Variants in TPRG1 observed in about 807,000 individuals in gnomAD.
TPRG1 encodes tumor protein p63-regulated gene 1 protein.
TPRG1 carries 29 observed loss-of-function variants against 29.3 expected under a neutral mutation model. The ratio of observed to expected loss-of-function variants is 0.99; its 90% CI spans 0.74 to 1.35. TPRG1 has a LOEUF of 1.35. Ranked by LOEUF, TPRG1 falls within the 40% of genes most tolerant of loss-of-function variation. The probability of loss-of-function intolerance (pLI) is 0.00; values close to 1 mark genes in which losing one functional copy is unlikely to be tolerated. For missense variants in TPRG1, 327 were observed against 335.0 expected (o/e 0.98, Z 0.19); for synonymous variants, 130 against 116.8 (o/e 1.11, Z -0.73).
At position 189,321,922 on chromosome 3, in the gene TPRG1, C is replaced by G. The variant is rs1431174178; in HGVS notation, c.*1102C>G. ...TTTGAAGACCATGTTTTCAAAAACA[C>G]TGTCTTAACACTCTATTGTCATTGC... On this transcript the variant is annotated 3_prime_UTR_variant, in exon 6 of 6. Coordinates refer to ENST00000345063, the MANE Select transcript of TPRG1 (RefSeq NM_198485.4). 1 of 152,060 alleles carries G rather than the reference C, an allele frequency of 6.6e-6. No homozygotes were observed. Among genetic ancestry groups the G allele is most frequent in the African/African-American group, 2.4e-5 (1 of 41,406 alleles). 9.4% of individuals were successfully genotyped at this position (152,060 alleles called of 1,614,324 possible). A position where few individuals can be genotyped will look rare whatever the true frequency, so the allele number is the denominator to read the frequency against.
intron 5 of TPRG1, among the ~76,000 whole-genome samples, chr3:189,317,244 T>G (rs972807418): frequency 1.3e-5 from 2 of 152,172 alleles, no homozygotes; most frequent in African/African-American, 2.4e-5. Context: ...GCAATAGAAT[T>G]GTTGAGATGA....
In TPRG1 at chr3:189,044,192, G is replaced by A. The variant is rs753476134; in HGVS notation, c.-463+20246G>A. Among the ~76,000 whole-genome samples, 11 of 152,072 alleles carry A rather than the reference G, an allele frequency of 7.2e-5. No individual in the cohort carries two copies. In the East Asian group the frequency reaches 7.7e-4, roughly 11 times the overall value. On this transcript the variant is annotated intron_variant, in intron 4 of 10. Coordinates refer to the TPRG1 transcript ENST00000433971. Reference sequence around the variant, plus strand: ...ATAAATAAATACAAGGCAAATTGTCGGAAAGAGACAAGCTAAGTATCACAG... The same window carrying A: ...ATAAATAAATACAAGGCAAATTGTCAGAAAGAGACAAGCTAAGTATCACAG...
At chr3:189,114,698 T>A (rs1294354665) in intron 1 of TPRG1, among the ~76,000 whole-genome samples, 1 of 152,220 alleles carries the variant, frequency 6.6e-6, no homozygotes, top group Non-Finnish European at 1.5e-5. Flanking sequence ...AGATGCAGGC[T>A]TGGCCTGTGT....
intron 4 of TPRG1, among the ~76,000 whole-genome samples, chr3:189,272,803 A>G (rs1289222822): frequency 6.8e-6 from 1 of 147,552 alleles, no homozygotes; most frequent in Non-Finnish European, 1.5e-5. Flanking sequence ...CAAAGGCTCA[A>G]TACTAAATAG....
chr3:189,033,163 G>A (rs898043458), intron 4 of TPRG1, among the ~76,000 whole-genome samples: 7 of 152,098 alleles, frequency 4.6e-5, no homozygotes, highest in Admixed American at 6.5e-5. Flanking sequence ...CTTAAGTGAA[G>A]CTGGGAAATT....
chr3:189,259,896 C>T (rs1712688022), intron 4 of TPRG1, among the ~76,000 whole-genome samples: 1 of 152,172 alleles, frequency 6.6e-6, no homozygotes, highest in African/African-American at 2.4e-5. Context: ...TCTGATTTCA[C>T]CTCCTCCTCT....
At chr3:189,176,165 A>G (rs1485756860) in intron 1 of TPRG1, among the ~76,000 whole-genome samples, 1 of 152,230 alleles carries the variant, frequency 6.6e-6, no homozygotes, top group East Asian at 1.9e-4. Context: ...TAAATAACCA[A>G]ACTTTTCTCA....
chr3:189,213,685 A>G (rs1735617170), intron 2 of TPRG1, among the ~76,000 whole-genome samples: 1 of 152,214 alleles, frequency 6.6e-6, no homozygotes, highest in Non-Finnish European at 1.5e-5. Flanking sequence ...AATAGTTTCT[A>G]TATATCCTTT....
intron 3 of TPRG1, among the ~76,000 whole-genome samples, chr3:189,232,240 C>A (rs921654071): frequency 5.9e-5 from 9 of 152,110 alleles, no homozygotes; most frequent in African/African-American, 2.2e-4. Flanking sequence ...ATACTAAGTG[C>A]ACCTTAAAGA....
chr3:189,128,593 A>AT (rs1722754949), intron 2 of TPRG1, among the ~76,000 whole-genome samples: 1 of 152,136 alleles, frequency 6.6e-6, no homozygotes, highest in Non-Finnish European at 1.5e-5. Context: ...AGGGTTTATA[A>AT]TTTTCGAAGT....
At chr3:189,057,865 C>A (rs9681968) in intron 4 of TPRG1, among the ~76,000 whole-genome samples, 2 of 107,548 alleles carry the variant, frequency 1.9e-5, no homozygotes, top group Non-Finnish European at 1.7e-5. Flanking sequence ...TACACACATA[C>A]GTATGTGTGT....
At chr3:189,080,474 T>G (rs987421754) in intron 4 of TPRG1, among the ~76,000 whole-genome samples, 1 of 152,176 alleles carries the variant, frequency 6.6e-6, no homozygotes, top group Non-Finnish European at 1.5e-5. Flanking sequence ...TTGAATCTTT[T>G]TTCCTGCTTT....
chr3:189,080,026 C>G (rs1717484389), intron 4 of TPRG1, among the ~76,000 whole-genome samples: 1 of 152,138 alleles, frequency 6.6e-6, no homozygotes, highest in African/African-American at 2.4e-5. Context: ...AAATAGATAT[C>G]TGTTGAATGA....
At chr3:189,217,942 C>G in intron 3 of TPRG1, 2 of 985,336 alleles carry the variant, frequency 2.0e-6, no homozygotes, top group Non-Finnish European at 2.4e-6. Flanking sequence ...TCCCAACTCC[C>G]CCAACAGCAA....
chr3:189,069,336 C>G (rs1027391402), intron 4 of TPRG1, among the ~76,000 whole-genome samples: 2 of 151,872 alleles, frequency 1.3e-5, no homozygotes, highest in Admixed American at 1.3e-4. Context: ...TAATGGTTAC[C>G]AGGGATAAAG....
At chr3:188,998,124 T>C (rs1711889538) in intron 1 of TPRG1, among the ~76,000 whole-genome samples, 1 of 148,514 alleles carries the variant, frequency 6.7e-6, no homozygotes, top group African/African-American at 2.5e-5. Flanking sequence ...CTTGCTGCCA[T>C]GAAACTTATG....
At chr3:189,011,973 C>T (rs771575773) in intron 3 of TPRG1, among the ~76,000 whole-genome samples, 1 of 152,162 alleles carries the variant, frequency 6.6e-6, no homozygotes, top group African/African-American at 2.4e-5. Flanking sequence ...GATTTTTGCA[C>T]AGTGATTTTG....
chr3:189,188,439 A>G (rs757129325), intron 1 of TPRG1, among the ~76,000 whole-genome samples: 1 of 152,182 alleles, frequency 6.6e-6, no homozygotes, highest in Admixed American at 6.5e-5. Flanking sequence ...TCTAGGTCCG[A>G]TGGGTGTGGA....
intron 5 of TPRG1, among the ~76,000 whole-genome samples, chr3:189,320,185 C>G (rs1724147780): frequency 1.3e-5 from 2 of 151,964 alleles, no homozygotes; most frequent in Non-Finnish European, 2.9e-5. Flanking sequence ...TAAAATGTCC[C>G]TGGAACTTGT....
Sources: allele counts gnomAD v4.1 joint callset (sites outside exome capture counted in the v4.1 genomes callset), GRCh38; gene constraint gnomAD v4.1.1; transcripts MANE v1.5; gene names NCBI Gene and HGNC (gene_info 2026-07-23, HGNC 2026-07-21).